Variants in TFPI observed in about 807,000 individuals in gnomAD.
TFPI encodes anti-convertin.
TFPI carries 15 observed loss-of-function variants against 34.6 expected under a neutral mutation model. That is an observed-to-expected ratio of 0.43 (90% CI 0.29 to 0.67). The LOEUF is 0.67. Ranked by LOEUF, TFPI falls within the 30% of genes least tolerant of loss-of-function variation. The pLI, the probability that TFPI is intolerant of heterozygous loss-of-function variation, is 0.15. For synonymous variants in TFPI, 105 were observed against 120.1 expected (o/e 0.87, Z 0.82); for missense variants, 301 against 364.0 (o/e 0.83, Z 1.41).
intron 1 of TFPI, chr2:187,520,755 T>G (rs1406555456): frequency 1.3e-5 from 2 of 152,110 alleles, no homozygotes; most frequent in Admixed American, 1.3e-4. Flanking sequence ...TGTATTAAAT[T>G]ATTTAATCCT....
chr2:187,549,307 G>C (rs547356970), intron 1 of TFPI, among the ~76,000 whole-genome samples: 1 of 152,052 alleles, frequency 6.6e-6, no homozygotes, highest in Non-Finnish European at 1.5e-5. Context: ...ACTTTACCTA[G>C]CTTTCTTTAT....
intron 6 of TFPI, among the ~76,000 whole-genome samples, chr2:187,477,875 A>G (rs1327852942): frequency 6.6e-6 from 1 of 152,196 alleles, no homozygotes; most frequent in East Asian, 1.9e-4. Flanking sequence ...TAGAGTTTCA[A>G]GTAGCAAAAG....
intron 4 of TFPI, among the ~76,000 whole-genome samples, chr2:187,487,539 T>A (rs1693364783): frequency 6.6e-6 from 1 of 151,390 alleles, no homozygotes; most frequent in African/African-American, 2.4e-5. Context: ...GTCTTTCATG[T>A]CCTGAGTTAA....
intron 3 of TFPI, among the ~76,000 whole-genome samples, chr2:187,492,978 C>A (rs1685222857): frequency 6.6e-6 from 1 of 152,046 alleles, no homozygotes. Flanking sequence ...ATGGATCTAC[C>A]ATTCTGTGGC....
chr2:187,536,266 C>G (rs1245050872), intron 1 of TFPI, among the ~76,000 whole-genome samples: 1 of 152,156 alleles, frequency 6.6e-6, no homozygotes, highest in East Asian at 1.9e-4. Flanking sequence ...CAAAACCTGG[C>G]AGAGACACAT....
chr2:187,481,965 G>A (rs937080673), intron 6 of TFPI, among the ~76,000 whole-genome samples: 1 of 151,330 alleles, frequency 6.6e-6, no homozygotes, highest in African/African-American at 2.4e-5. Context: ...AATTTTCAAT[G>A]TGCATCTACA....
chr2:187,538,605 A>C (rs1311225716), intron 1 of TFPI, among the ~76,000 whole-genome samples: 1 of 152,140 alleles, frequency 6.6e-6, no homozygotes, highest in African/African-American at 2.4e-5. Context: ...GGACTAGGGG[A>C]GGGATAGCAT....
At chr2:187,493,053 G>A (rs746970549) in intron 3 of TFPI, among the ~76,000 whole-genome samples, 6 of 152,152 alleles carry the variant, frequency 3.9e-5, no homozygotes, top group East Asian at 3.9e-4. Context: ...AATCTGTGTC[G>A]GGGGTCTGAC....
In TFPI at chr2:187,467,900, C is replaced by T. The variant is rs1462616601; in HGVS notation, c.661G>A (p.Ala221Thr). The stretch of plus-strand genomic sequence containing the variant: ...TTGGCACGACACAATCCTCTGTCTG[C>T]TGGAGTGAGACACCATGAGGGACCG... ...FHGPSWCLTP[A>T]DRGLCRANEN... The change falls in exon 7 of 8, where the codon GCA (alanine) becomes ACA (threonine). Residue 221 changes from alanine (A) to threonine (T), a missense_variant. Physicochemically the swap from Ala to Thr is moderately conservative, Grantham distance 58. Coordinates refer to ENST00000233156, the MANE Select transcript of TFPI (RefSeq NM_006287.6). 1.9e-6 allele frequency: 3 copies of T among 1,604,146 alleles called. No individual in the cohort carries two copies. The highest frequency in any genetic ancestry group is 2.6e-6 in the Non-Finnish European group (3 of 1,176,140).
intron 1 of TFPI, among the ~76,000 whole-genome samples, chr2:187,506,673 G>T (rs1686240879): frequency 6.6e-6 from 1 of 151,992 alleles, no homozygotes; most frequent in Admixed American, 6.6e-5. Flanking sequence ...ATTTTGCAGG[G>T]TATCCCCTTA....
intron 1 of TFPI, among the ~76,000 whole-genome samples, chr2:187,546,403 G>T (rs542409912): frequency 7.1e-6 from 1 of 140,456 alleles, no homozygotes; most frequent in South Asian, 2.4e-4. Flanking sequence ...GCTCTTTATG[G>T]TATGTTATCG....
chr2:187,518,903 C>G (rs1033079745), intron 1 of TFPI: 1 of 152,054 alleles, frequency 6.6e-6, no homozygotes, highest in Non-Finnish European at 1.5e-5. Context: ...AATCTTCTAC[C>G]TCTGATATCC....
intron 1 of TFPI, among the ~76,000 whole-genome samples, chr2:187,524,790 A>T (rs1236661532): frequency 6.6e-6 from 1 of 152,108 alleles, no homozygotes. Context: ...TGTAATGAAA[A>T]TGAAACAAAT....
intron 1 of TFPI, among the ~76,000 whole-genome samples, chr2:187,542,957 C>T (rs1347269773): frequency 6.6e-6 from 1 of 151,710 alleles, no homozygotes; most frequent in Non-Finnish European, 1.5e-5. Flanking sequence ...CATTTCTCCC[C>T]TCCAGATACA....
intron 1 of TFPI, among the ~76,000 whole-genome samples, chr2:187,533,255 G>A (rs1202442616): frequency 3.3e-5 from 5 of 152,104 alleles, no homozygotes; most frequent in African/African-American, 4.8e-5. Context: ...CCTGACCCCC[G>A]TGCCTCCTGA....
At chr2:187,545,483 G>A (rs1688810001) in intron 1 of TFPI, among the ~76,000 whole-genome samples, 1 of 152,098 alleles carries the variant, frequency 6.6e-6, no homozygotes, top group Non-Finnish European at 1.5e-5. Flanking sequence ...CTGAAGCTCA[G>A]GAAATTGATT....
chr2:187,465,562 T>C lies in TFPI; in HGVS notation c.*1374A>G, dbSNP rs1691678386. 2 of 123,706 alleles carry C rather than the reference T, an allele frequency of 1.6e-5. No homozygotes were observed. The highest frequency in any genetic ancestry group is 4.2e-4 in the East Asian group (2 of 4,802). 7.7% of individuals were successfully genotyped at this position (123,706 alleles called of 1,614,324 possible). On this transcript the variant is annotated 3_prime_UTR_variant, in exon 8 of 8. Transcript: ENST00000233156. ...TAAAAAGCCTAGGGATTGGGTGAAC[T>C]TTTTCGAAAAAAAAAAAAAAAAGCA... is the stretch of plus-strand genomic sequence containing the variant.
At chr2:187,489,943 G>A (rs1347666638) in intron 3 of TFPI, among the ~76,000 whole-genome samples, 1 of 151,516 alleles carries the variant, frequency 6.6e-6, no homozygotes, top group East Asian at 1.9e-4. Context: ...ACAGGACGAA[G>A]CATTTATCAA....
rs533934843 is a variant in TFPI, at chr2:187,484,196, T to C, written c.556A>G (p.Asn186Asp). 13 of 1,611,968 alleles carry C rather than the reference T, an allele frequency of 8.1e-6. No individual in the cohort carries two copies. In the African/African-American group the frequency reaches 1.3e-4, roughly 17 times the overall value. The change falls in exon 6 of 8, where the codon AAT (asparagine) becomes GAT (aspartate). Residue 186 changes from asparagine to aspartate, a missense_variant. Asn to Asp is a conservative substitution (Grantham distance 23). Transcript: ENST00000233156. Reference sequence around the variant, plus strand: ...ACAGCATTGAGCTGGGTTCCATAATTATCCACCTGGAAACCATTCGCTGGA... The same window carrying C: ...ACAGCATTGAGCTGGGTTCCATAATCATCCACCTGGAAACCATTCGCTGGA... ...EDGPNGFQVD[N>D]YGTQLNAVNN...
Sources: gnomAD v4.1 joint callset for allele counts (sites outside exome capture counted in the v4.1 genomes callset) on GRCh38, gnomAD v4.1.1 for gene constraint, MANE v1.5 for transcripts, NCBI Gene and HGNC (gene_info 2026-07-23, HGNC 2026-07-21) for gene names.